The following PDZD2 variants were observed in gnomAD, a reference collection of about 807,000 sequenced individuals.
PDZD2 encodes PDZ domain containing 2.
A neutral mutation model predicts 220.7 loss-of-function variants in PDZD2; 90 were observed. The observed-to-expected ratio is 0.41, with a 90% CI of 0.34 to 0.49. The LOEUF (loss-of-function observed/expected upper bound fraction) is 0.49, where lower values mean the gene tolerates loss of function less well. PDZD2 is among the 20% of genes least tolerant of loss of function. The pLI is 0.28. For synonymous variants in PDZD2, 1,375 were observed against 1,450.5 expected, an observed-to-expected ratio of 0.95 and a Z score of 1.18; for missense variants, 3,174 against 3,608.5, an observed-to-expected ratio of 0.88 and a Z score of 3.08.
chr5:31,711,686 A>AT (rs1485965753), intron 1 of PDZD2, among the ~76,000 whole-genome samples: 1 of 152,146 alleles, frequency 6.6e-6, no homozygotes, highest in Non-Finnish European at 1.5e-5. Flanking sequence ...CATCTATAAA[A>AT]TGAGCCAGAT....
intron 2 of PDZD2, among the ~76,000 whole-genome samples, chr5:31,886,570 G>C (rs1043792391): frequency 6.6e-6 from 1 of 151,892 alleles, no homozygotes; most frequent in Non-Finnish European, 1.5e-5. Context: ...TTTTGTGAAG[G>C]ATGCTGAGAT....
chr5:31,799,859 CT>C, intron 2 of PDZD2, 135 bp downstream of exon 2: 2 of 654,888 alleles, frequency 3.1e-6, no homozygotes, highest in Non-Finnish European at 5.5e-6. Flanking sequence ...TTTAAACCCC[CT>C]CATCCATTCA....
At chr5:32,079,591 G>A (rs912447618) in intron 19 of PDZD2, among the ~76,000 whole-genome samples, 5 of 151,878 alleles carry the variant, frequency 3.3e-5, no homozygotes, top group East Asian at 3.9e-4. Context: ...TGGATCCCCC[G>A]AGGTCAGGAG....
chr5:32,053,497 G>A (rs1292416070), intron 9 of PDZD2, among the ~76,000 whole-genome samples: 1 of 152,176 alleles, frequency 6.6e-6, no homozygotes, highest in Non-Finnish European at 1.5e-5. Context: ...GTCAAATATT[G>A]GCAATTTGGT....
At chr5:31,667,264 C>T (rs1746033314) in intron 1 of PDZD2, among the ~76,000 whole-genome samples, 3 of 141,716 alleles carry the variant, frequency 2.1e-5, no homozygotes, top group South Asian at 2.3e-4. Flanking sequence ...AAAAGAGTAC[C>T]TGCTGCCTGC....
intron 1 of PDZD2, among the ~76,000 whole-genome samples, chr5:31,784,308 C>A (rs968681036): frequency 1.3e-5 from 2 of 152,136 alleles, no homozygotes; most frequent in Non-Finnish European, 2.9e-5. Context: ...CTTCGCAGCC[C>A]CGAACTTAGA....
intron 2 of PDZD2, among the ~76,000 whole-genome samples, chr5:31,885,110 G>A (rs1441643156): frequency 6.6e-6 from 1 of 151,166 alleles, no homozygotes; most frequent in Non-Finnish European, 1.5e-5. Context: ...GAAGAAAAAC[G>A]GGTGGAGTGT....
In PDZD2 at chr5:31,792,511, G is replaced by A. The variant is rs115145235; in HGVS notation, c.-360-6378G>A. 5.4e-3 allele frequency among the ~76,000 whole-genome samples: 818 copies of A among 151,624 alleles called. 7 individuals carry two copies. Among genetic ancestry groups the A allele is most frequent in the African/African-American group, 0.016 (661 of 41,342 alleles). On this transcript the variant is annotated intron_variant, in intron 1 of 24. Transcript: ENST00000438447. ...TCAGCTCACTGCAACCTCTGCCTCC[G>A]GAGTTCAAGCAATTCTCATGCCCCA...
intron 1 of PDZD2, among the ~76,000 whole-genome samples, chr5:31,786,631 A>T (rs1005314619): frequency 6.6e-6 from 1 of 151,978 alleles, no homozygotes; most frequent in Admixed American, 6.6e-5. Flanking sequence ...GAGGCCAGCT[A>T]CTTCATCCCT....
chr5:32,097,296 C>T lies in PDZD2; in HGVS notation c.7863C>T (p.Cys2621=), dbSNP rs553087686. ...TTCACTAGAATGAAGAAGATGTTTG[C>T]TTCATAGTCTTGAATAGAAAAGAAG... The part of the protein sequence containing the change: ...KAQSENEEDV[C]FIVLNRKEGS... The change falls in exon 22 of 25, where the codon TGC becomes TGT. Residue 2621 remains cysteine (C), a synonymous_variant. Transcript: ENST00000438447. 6.2e-7 allele frequency: 1 copy of T among 1,610,136 alleles called. No individual in the cohort carries two copies. Among genetic ancestry groups the T allele is most frequent in the South Asian group, 1.1e-5 (1 of 90,990 alleles).
chr5:31,977,096 G>A (rs1473492127), intron 2 of PDZD2, among the ~76,000 whole-genome samples: 1 of 151,212 alleles, frequency 6.6e-6, no homozygotes, highest in Non-Finnish European at 1.5e-5. Flanking sequence ...GGGCTCAAGC[G>A]ACCCTCCTAC....
chr5:31,910,623 C>T (rs1234749747), intron 2 of PDZD2, among the ~76,000 whole-genome samples: 1 of 142,312 alleles, frequency 7.0e-6, no homozygotes, highest in Admixed American at 7.2e-5. Context: ...GGACTCCTGA[C>T]CTCGTGATTC....
In PDZD2 at chr5:32,089,452, C is replaced by T; in HGVS notation, c.6004C>T (p.His2002Tyr). The T allele has an allele frequency of 6.2e-7, 1 of 1,613,976 alleles. No individual in the cohort carries two copies. Among genetic ancestry groups the T allele is most frequent in the Middle Eastern group, 1.6e-4 (1 of 6,062 alleles). Residue 2002 changes from histidine (H) to tyrosine (Y), a missense_variant, in exon 20 of 25, where the codon CAC becomes TAC. His to Tyr is a moderately conservative substitution (Grantham distance 83). This residue lies in a region of PDZD2 where 1,861 missense variants were observed against 2,001.0 expected (regional missense o/e 0.93). Coordinates refer to ENST00000438447, the MANE Select transcript of PDZD2 (RefSeq NM_178140.4). ...TGAGCAAGGCATGTGGAGCAGGTTCCACATGGCTGTCCTCTCTGAACCCGA... is the reference window on the plus strand; with the variant it reads ...TGAGCAAGGCATGTGGAGCAGGTTCTACATGGCTGTCCTCTCTGAACCCGA... ...VPEQGMWSRF[H>Y]MAVLSEPDRG... is the part of the protein sequence containing the mutation.
intron 2 of PDZD2, among the ~76,000 whole-genome samples, chr5:31,818,986 GT>G (rs1361777014): frequency 6.6e-6 from 1 of 152,108 alleles, no homozygotes; most frequent in Non-Finnish European, 1.5e-5. Context: ...GTTTTACCAT[GT>G]GCATGAGATA....
chr5:31,737,010 C>A (rs1225986543), intron 1 of PDZD2, among the ~76,000 whole-genome samples: 1 of 151,892 alleles, frequency 6.6e-6, no homozygotes, highest in African/African-American at 2.4e-5. Context: ...TCCTATACAG[C>A]CTGCAGAATC....
At position 32,089,958 on chromosome 5, in the gene PDZD2, C is replaced by A; in HGVS notation, c.6510C>A (p.Ser2170=). 6.2e-7 allele frequency: 1 copy of A among 1,605,478 alleles called. No individual in the cohort carries two copies. Among genetic ancestry groups the A allele is most frequent in the South Asian group, 1.1e-5 (1 of 89,430 alleles). The part of the protein sequence containing the change: ...RSFSMAKLAS[S]SSSLQTAIRK... ...TCAGCATGGCAAAACTGGCGTCCTC[C>A]TCCTCCTCCCTTCAAACAGCCATTA... Residue 2170 remains serine (S), a synonymous_variant, in exon 20 of 25, where the codon TCC becomes TCA. Coordinates refer to ENST00000438447, the MANE Select transcript of PDZD2 (RefSeq NM_178140.4).
chr5:32,106,124 C>T (rs1029060457), intron 24 of PDZD2: 1 of 152,446 alleles, frequency 6.6e-6, no homozygotes, highest in African/African-American at 2.4e-5. Flanking sequence ...TACAACTCAC[C>T]ATCACGTAGA....
rs549763965 is a variant in PDZD2 at position 31,992,568 on chromosome 5, T to C, written c.979-3008T>C. Among the ~76,000 whole-genome samples, 5 of 152,318 alleles carry C rather than the reference T, an allele frequency of 3.3e-5. No individual in the cohort carries two copies. The South Asian group carries it at 1.0e-3, about 32-fold the overall frequency. ...AATGTACCTAGTATTGTCACATCCT[T>C]TGTTAACCATACTTACATGTTTTGT... On this transcript the variant is annotated intron_variant, in intron 3 of 24. Transcript: ENST00000438447.
At chr5:31,855,715 C>T (rs1758389063) in intron 2 of PDZD2, among the ~76,000 whole-genome samples, 1 of 152,186 alleles carries the variant, frequency 6.6e-6, no homozygotes, top group South Asian at 2.1e-4. Flanking sequence ...CAGATCTTTG[C>T]CCCCAAATTA....
Sources: gnomAD v4.1 joint callset for allele counts (sites outside exome capture counted in the v4.1 genomes callset) on GRCh38, gnomAD v4.1.1 for gene constraint, gnomAD v4.1.1 regional missense constraint, MANE v1.5 for transcripts, NCBI Gene and HGNC (gene_info 2026-07-23, HGNC 2026-07-21) for gene names.